The following CNBD1 variants were observed in gnomAD, a reference collection of about 807,000 sequenced individuals.
CNBD1 encodes cyclic nucleotide-binding domain-containing protein 1.
Under a neutral mutation model 54.4 loss-of-function variants are expected in CNBD1, and 71 were observed. The ratio of observed to expected loss-of-function variants is 1.30; its 90% CI spans 1.08 to 1.59. The LOEUF (loss-of-function observed/expected upper bound fraction) is 1.59, where lower values mean the gene tolerates loss of function less well. Ranked by LOEUF, CNBD1 falls within the 40% of genes most tolerant of loss-of-function variation. The pLI is 0.00. For missense variants in CNBD1, 659 were observed against 518.0 expected (o/e 1.27, Z -2.64); for synonymous variants, 182 against 170.7 (o/e 1.07, Z -0.51).
chr8:86,990,557 C>T (rs1474096644), intron 4 of CNBD1, among the ~76,000 whole-genome samples: 2 of 151,968 alleles, frequency 1.3e-5, no homozygotes, highest in Admixed American at 6.6e-5. Flanking sequence ...TATGTGTCTG[C>T]TTTTATGCCA....
At chr8:86,927,424 G>A (rs1809380906) in intron 3 of CNBD1, among the ~76,000 whole-genome samples, 1 of 152,012 alleles carries the variant, frequency 6.6e-6, no homozygotes. Context: ...ATGATTTTTG[G>A]GGGCCCTGAG....
chr8:86,916,820 C>T (rs1224705740), intron 3 of CNBD1, among the ~76,000 whole-genome samples: 1 of 151,684 alleles, frequency 6.6e-6, no homozygotes, highest in East Asian at 1.9e-4. Flanking sequence ...TCTCCTGCCT[C>T]ATCCTCCTGA....
chr8:87,055,327 A>G (rs929727894), intron 4 of CNBD1, among the ~76,000 whole-genome samples: 3 of 152,120 alleles, frequency 2.0e-5, no homozygotes, highest in African/African-American at 7.2e-5. Flanking sequence ...TTATCTGAAA[A>G]GCTGTCTGTA....
At chr8:87,378,565 T>A (rs1310043805) in intron 10 of CNBD1, among the ~76,000 whole-genome samples, 1 of 150,488 alleles carries the variant, frequency 6.6e-6, no homozygotes, top group Non-Finnish European at 1.5e-5. Flanking sequence ...AGCCTTGTTG[T>A]ATAGTTTGAA....
At chr8:86,965,183 T>A (rs759556686) in intron 4 of CNBD1, among the ~76,000 whole-genome samples, 9 of 152,278 alleles carry the variant, frequency 5.9e-5, no homozygotes, top group Non-Finnish European at 1.2e-4. Context: ...TTCTTAACAT[T>A]TTAATATTGT....
chr8:87,045,942 G>A (rs1170756393), intron 4 of CNBD1, among the ~76,000 whole-genome samples: 3 of 150,720 alleles, frequency 2.0e-5, no homozygotes, highest in African/African-American at 7.3e-5. Flanking sequence ...TCAGGAAGCT[G>A]AGGCAGGGGA....
chr8:87,132,840 G>T (rs1812148937), intron 4 of CNBD1, among the ~76,000 whole-genome samples: 2 of 146,026 alleles, frequency 1.4e-5, no homozygotes, highest in South Asian at 4.2e-4. Flanking sequence ...TATATATATA[G>T]TTCCATTTCC....
intron 2 of CNBD1, among the ~76,000 whole-genome samples, chr8:87,399,868 C>G (rs143778760): frequency 2.0e-5 from 3 of 151,994 alleles, no homozygotes; most frequent in East Asian, 3.9e-4. Context: ...AGAACCATCA[C>G]TGAAATTAAT....
At chr8:87,355,094 G>C (rs921664550) in intron 10 of CNBD1, among the ~76,000 whole-genome samples, 1 of 152,162 alleles carries the variant, frequency 6.6e-6, no homozygotes, top group Non-Finnish European at 1.5e-5. Flanking sequence ...TAAAAGAGTA[G>C]AGATATTTCA....
chr8:86,966,807 A>C (rs1374326665), intron 4 of CNBD1, among the ~76,000 whole-genome samples: 1 of 152,140 alleles, frequency 6.6e-6, no homozygotes, highest in Non-Finnish European at 1.5e-5. Context: ...TTTTGAGAAG[A>C]GCAAAAGAAC....
intron 4 of CNBD1, among the ~76,000 whole-genome samples, chr8:86,970,007 T>C (rs921643895): frequency 6.6e-6 from 1 of 152,068 alleles, no homozygotes; most frequent in African/African-American, 2.4e-5. Flanking sequence ...TTCTTTCAGA[T>C]TTTATTTGTT....
chr8:87,044,859 T>C (rs1014720757), intron 4 of CNBD1, among the ~76,000 whole-genome samples: 1 of 152,206 alleles, frequency 6.6e-6, no homozygotes, highest in Non-Finnish European at 1.5e-5. Flanking sequence ...CTGCCTGGCC[T>C]ACTTATCTGT....
intron 4 of CNBD1, among the ~76,000 whole-genome samples, chr8:87,055,586 T>G (rs1479013377): frequency 1.3e-5 from 2 of 152,184 alleles, no homozygotes; most frequent in Non-Finnish European, 2.9e-5. Flanking sequence ...TATCTGTACA[T>G]CTGCAGTCTG....
chr8:86,907,792 G>T (rs1358771913), intron 3 of CNBD1, among the ~76,000 whole-genome samples: 1 of 152,096 alleles, frequency 6.6e-6, no homozygotes. Context: ...CCCACATTCA[G>T]TGTGATATAT....
chr8:87,098,838 C>G (rs1171285609), intron 4 of CNBD1, among the ~76,000 whole-genome samples: 1 of 151,018 alleles, frequency 6.6e-6, no homozygotes, highest in Non-Finnish European at 1.5e-5. Context: ...GAGTTTGAGA[C>G]CAGCCTGGCA....
intron 2 of CNBD1, among the ~76,000 whole-genome samples, chr8:87,397,224 T>A (rs1470945166): frequency 1.3e-5 from 2 of 151,890 alleles, no homozygotes; most frequent in Non-Finnish European, 2.9e-5. Flanking sequence ...TACACTGGAA[T>A]TAGGCAAGTG....
chr8:87,029,338 G>A (rs1195122293), intron 4 of CNBD1, among the ~76,000 whole-genome samples: 1 of 152,118 alleles, frequency 6.6e-6, no homozygotes, highest in East Asian at 1.9e-4. Context: ...TCACAGTCAT[G>A]GTAATTTTCA....
chr8:86,982,715 G>A (rs1180074811), intron 4 of CNBD1, among the ~76,000 whole-genome samples: 4 of 152,066 alleles, frequency 2.6e-5, no homozygotes, highest in Non-Finnish European at 4.4e-5. Flanking sequence ...TTAAAATCAG[G>A]GAGTGTGAGT....
chr8:87,401,530 G>T (rs771923211), intron 2 of CNBD1, among the ~76,000 whole-genome samples: 1 of 152,008 alleles, frequency 6.6e-6, no homozygotes, highest in Non-Finnish European at 1.5e-5. Flanking sequence ...TGAACATTAT[G>T]CATTGTTTAT....
Sources: allele counts gnomAD v4.1 joint callset (sites outside exome capture counted in the v4.1 genomes callset), GRCh38; gene constraint gnomAD v4.1.1; transcripts MANE v1.5; gene names NCBI Gene and HGNC (gene_info 2026-07-23, HGNC 2026-07-21).